The following DPH6 variants were observed in gnomAD, a reference collection of about 807,000 sequenced individuals.
DPH6 encodes the protein diphthine--ammonia ligase.
A neutral mutation model predicts 38.2 loss-of-function variants in DPH6; 33 were observed. That is an observed-to-expected ratio of 0.86 (90% CI 0.65 to 1.15). The LOEUF is 1.15. Among genes scored for constraint, DPH6 ranks in the 50% most tolerant of loss-of-function variants. The probability of loss-of-function intolerance (pLI) is 0.00; values close to 1 mark genes in which losing one functional copy is unlikely to be tolerated. For missense variants in DPH6, 325 were observed against 320.0 expected (o/e 1.02, Z -0.12); for synonymous variants, 108 against 103.0 (o/e 1.05, Z -0.30).
exon 4 of DPH6, chr15:35,330,864 A>G (rs376505546): frequency 1.3e-5 from 2 of 152,234 alleles, no homozygotes; most frequent in African/African-American, 4.8e-5. Context: ...ATAAAAGTAA[A>G]GAAAAATAAA....
the DPH6 span, among the ~76,000 whole-genome samples, chr15:35,162,534 C>T: frequency 6.6e-6 from 1 of 151,886 alleles, no homozygotes; most frequent in Non-Finnish European, 1.5e-5. Context: ...CTCATTCCCT[C>T]ACTTCATCTA....
At chr15:35,192,854 T>C in the DPH6 span, among the ~76,000 whole-genome samples, 2 of 152,190 alleles carry the variant, frequency 1.3e-5, no homozygotes, top group Non-Finnish European at 2.9e-5. Context: ...CAGGGCATCA[T>C]GCCAAGAACC....
At chr15:35,218,570 T>C (rs1185822309) in exon 4 of DPH6, 1 of 152,238 alleles carries the variant, frequency 6.6e-6, no homozygotes, top group Non-Finnish European at 1.5e-5. Flanking sequence ...TCTTACTGAT[T>C]AAGTTAGACA....
intron 3 of DPH6, among the ~76,000 whole-genome samples, chr15:35,510,344 T>G (rs2054752331): frequency 6.6e-6 from 1 of 152,238 alleles, no homozygotes; most frequent in Non-Finnish European, 1.5e-5. Context: ...CTAATCACTA[T>G]GCAGGTTCTG....
chr15:35,471,606 ACTTTGTTCTTACTCTTCGTTCAACC>A (rs2141127650), intron 3 of DPH6, among the ~76,000 whole-genome samples: 1 of 152,206 alleles, frequency 6.6e-6, no homozygotes, highest in South Asian at 2.1e-4. Context: ...TTAATTTCTT[ACTTTGTTCTTACTCTTCGTTCAACC>A]CTTTGTTCTT....
chr15:35,278,003 A>T (rs946998265), intron 3 of DPH6, among the ~76,000 whole-genome samples: 1 of 152,222 alleles, frequency 6.6e-6, no homozygotes, highest in African/African-American at 2.4e-5. Context: ...TACATGGTAG[A>T]AAAGGAATAC....
At chr15:35,388,554 C>T (rs1374616509) in intron 6 of DPH6, among the ~76,000 whole-genome samples, 2 of 152,170 alleles carry the variant, frequency 1.3e-5, no homozygotes, top group Non-Finnish European at 2.9e-5. Flanking sequence ...TCAAGTTCTT[C>T]CTGGTTTAGT....
At chr15:35,180,049 C>A in the DPH6 span, among the ~76,000 whole-genome samples, 1 of 152,076 alleles carries the variant, frequency 6.6e-6, no homozygotes, top group African/African-American at 2.4e-5. Flanking sequence ...GGGACCCAAT[C>A]CCATCTAATG....
chr15:35,447,545 A>G (rs1160297255), intron 5 of DPH6, among the ~76,000 whole-genome samples: 1 of 152,098 alleles, frequency 6.6e-6, no homozygotes, highest in Non-Finnish European at 1.5e-5. Flanking sequence ...ACAGTAAAAC[A>G]GCAGCCTTGT....
intron 3 of DPH6, among the ~76,000 whole-genome samples, chr15:35,534,053 GA>G (rs1165212369): frequency 6.6e-6 from 1 of 151,744 alleles, no homozygotes; most frequent in East Asian, 1.9e-4. Context: ...TGAAAGAGAA[GA>G]AAACTAAGAA....
chr15:35,346,731 T>C (rs1025291854), intron 3 of DPH6, among the ~76,000 whole-genome samples: 1 of 152,176 alleles, frequency 6.6e-6, no homozygotes, highest in Non-Finnish European at 1.5e-5. Context: ...AGCCTTTCCG[T>C]TTATCCAGTG....
At chr15:35,428,421 C>T (rs1218119870) in intron 5 of DPH6, among the ~76,000 whole-genome samples, 1 of 152,002 alleles carries the variant, frequency 6.6e-6, no homozygotes, top group Non-Finnish European at 1.5e-5. Context: ...TGGAATTTCT[C>T]TCCAAAAAGC....
intron 3 of DPH6, among the ~76,000 whole-genome samples, chr15:35,312,674 G>A (rs1295757167): frequency 6.6e-6 from 1 of 152,148 alleles, no homozygotes; most frequent in African/African-American, 2.4e-5. Flanking sequence ...AGATCCACAG[G>A]TGACTCATTT....
the DPH6 span, among the ~76,000 whole-genome samples, chr15:35,156,157 T>C: frequency 3.9e-5 from 6 of 152,288 alleles, no homozygotes; most frequent in East Asian, 3.9e-4. Flanking sequence ...ATATGATATA[T>C]GTAGTTACAA....
chr15:35,541,799 T>A (rs1440602557), intron 2 of DPH6, among the ~76,000 whole-genome samples: 1 of 152,048 alleles, frequency 6.6e-6, no homozygotes, highest in Admixed American at 6.6e-5. Context: ...AAGCTATAAT[T>A]GGGGATATTT....
intron 5 of DPH6, among the ~76,000 whole-genome samples, chr15:35,414,711 C>T (rs1269098141): frequency 1.3e-5 from 2 of 151,286 alleles, no homozygotes; most frequent in South Asian, 2.1e-4. Flanking sequence ...TCTCTCTATG[C>T]CTTCTTGGTG....
Position 35,371,747 on chromosome 15 carries a change from C to A in DPH6, c.*403G>T, listed in dbSNP as rs1010054667. ...AAGCTTGACTGGCTAAATAAAGTGA[C>A]CATCTTTTCATCTTCATTTTCAAAT... On this transcript the variant is annotated 3_prime_UTR_variant, in exon 9 of 9. Transcript: ENST00000256538. 1 of 988,652 alleles carries A rather than the reference C, an allele frequency of 1.0e-6. No homozygotes were observed. The highest frequency in any genetic ancestry group is 1.7e-5 in the African/African-American group (1 of 57,304). The allele number at this position is 988,652 out of a possible 1,614,324, so 61.2% of individuals were successfully genotyped here. A position where few individuals can be genotyped will look rare whatever the true frequency, so the allele number is the denominator to read the frequency against.
intron 5 of DPH6, among the ~76,000 whole-genome samples, chr15:35,414,172 C>G (rs1186821455): frequency 3.3e-5 from 5 of 151,734 alleles, no homozygotes; most frequent in Admixed American, 2.0e-4. Context: ...TTGAATCAAT[C>G]TATTTCTAAC....
intron 3 of DPH6, among the ~76,000 whole-genome samples, chr15:35,221,370 C>T (rs1160647668): frequency 6.6e-6 from 1 of 152,014 alleles, no homozygotes; most frequent in Admixed American, 6.6e-5. Context: ...GAGGCCGCAC[C>T]CCCATGGCTC....
Sources: allele counts gnomAD v4.1 joint callset (sites outside exome capture counted in the v4.1 genomes callset), GRCh38; gene constraint gnomAD v4.1.1; transcripts MANE v1.5; gene names NCBI Gene and HGNC (gene_info 2026-07-23, HGNC 2026-07-21).